LAMA2: variants seen among roughly 807,000 people sequenced by gnomAD.
LAMA2 encodes the protein laminin subunit alpha-2.
LAMA2 carries 269 observed loss-of-function variants against 364.8 expected under a neutral mutation model. The ratio of observed to expected loss-of-function variants is 0.74; its 90% CI spans 0.67 to 0.82. LAMA2 has a LOEUF of 0.82. Ranked by LOEUF, LAMA2 falls within the 40% of genes least tolerant of loss-of-function variation. The pLI is 0.00. For synonymous variants in LAMA2, 1,379 were observed against 1,370.6 expected, an observed-to-expected ratio of 1.01 and a Z score of -0.14; for missense variants, 3,807 against 3,873.2, an observed-to-expected ratio of 0.98 and a Z score of 0.45.
At chr6:129,469,392 C>T (rs1156829750) in intron 51 of LAMA2, among the ~76,000 whole-genome samples, 2 of 151,864 alleles carry the variant, frequency 1.3e-5, no homozygotes, top group East Asian at 3.9e-4. Context: ...ATAAATCCAC[C>T]ATGTGATACC....
intron 20 of LAMA2, among the ~76,000 whole-genome samples, chr6:129,294,260 T>C (rs1008518695): frequency 2.0e-5 from 3 of 152,194 alleles, no homozygotes; most frequent in Non-Finnish European, 4.4e-5. Context: ...TCTAGTATCT[T>C]ACAGTAATCA....
At chr6:129,463,703 A>G (rs571338014) in intron 49 of LAMA2, among the ~76,000 whole-genome samples, 38 of 152,178 alleles carry the variant, frequency 2.5e-4, no homozygotes, top group African/African-American at 8.7e-4. Flanking sequence ...ACAAACATCA[A>G]CTGGATTCTA....
chr6:129,126,332 A>G (rs930160364), intron 4 of LAMA2, among the ~76,000 whole-genome samples: 1 of 152,194 alleles, frequency 6.6e-6, no homozygotes, highest in African/African-American at 2.4e-5. Flanking sequence ...TATCATTTCC[A>G]TGACATCAAA....
intron 1 of LAMA2, among the ~76,000 whole-genome samples, chr6:128,896,740 T>C (rs1018041969): frequency 5.3e-5 from 8 of 152,228 alleles, no homozygotes; most frequent in African/African-American, 1.9e-4. Flanking sequence ...AAATTTTATC[T>C]TTATTTATTT....
At chr6:129,444,412 G>A (rs80285888) in intron 44 of LAMA2, among the ~76,000 whole-genome samples, 3,077 of 152,018 alleles carry the variant, frequency 0.02, 50 homozygotes, top group Non-Finnish European at 0.031. Context: ...ATGAACAAAC[G>A]GTTTATTAAA....
intron 9 of LAMA2, among the ~76,000 whole-genome samples, chr6:129,169,373 G>T (rs573423474): frequency 2.7e-5 from 4 of 149,018 alleles, no homozygotes; most frequent in South Asian, 4.3e-4. Flanking sequence ...TAGCATGAAG[G>T]GTTGTTGAAT....
intron 1 of LAMA2, among the ~76,000 whole-genome samples, chr6:128,908,608 T>G (rs1426870915): frequency 0.012 from 1,593 of 137,606 alleles, 33 homozygotes; most frequent in African/African-American, 0.044. Flanking sequence ...ATTAATTTTT[T>G]GAAGGGTTTT....
chr6:129,089,547 C>T (rs1235864603), intron 3 of LAMA2, among the ~76,000 whole-genome samples: 1 of 152,232 alleles, frequency 6.6e-6, no homozygotes, highest in Non-Finnish European at 1.5e-5. Flanking sequence ...CCATGAGGAA[C>T]TCAGCCTACC....
intron 4 of LAMA2, among the ~76,000 whole-genome samples, chr6:129,115,847 G>A (rs1202187381): frequency 6.6e-6 from 1 of 152,114 alleles, no homozygotes; most frequent in African/African-American, 2.4e-5. Context: ...TATTAAATGA[G>A]ATAATTTACA....
intron 1 of LAMA2, among the ~76,000 whole-genome samples, chr6:128,911,946 A>T (rs1401933212): frequency 6.6e-6 from 1 of 152,186 alleles, no homozygotes; most frequent in African/African-American, 2.4e-5. Flanking sequence ...TGTCTGTAAA[A>T]ATCATTCATG....
intron 42 of LAMA2, among the ~76,000 whole-genome samples, chr6:129,439,066 A>ACCCC (rs142125733): frequency 1.4e-5 from 2 of 145,924 alleles, no homozygotes; most frequent in African/African-American, 5.0e-5. Flanking sequence ...TGGTTCCAGG[A>ACCCC]CCCCCCCCCA....
At position 129,513,633 on chromosome 6, in the gene LAMA2, CTAA is replaced by C. The variant is rs1786782954; in HGVS notation, c.8989-738_8989-736del. On this transcript the variant is annotated intron_variant, in intron 63 of 64. Coordinates refer to ENST00000421865, the MANE Select transcript of LAMA2 (RefSeq NM_000426.4). ...CTTGTCGAATGTCTTGCCAAACTGACTAATGTTTTTAGTGTTTCAATATGTTTC... is the reference window on the plus strand; with the variant it reads ...CTTGTCGAATGTCTTGCCAAACTGACTGTTTTTAGTGTTTCAATATGTTTC... 2.0e-5 allele frequency among the ~76,000 whole-genome samples: 3 copies of C among 152,176 alleles called. 1 individual carries two copies. In the South Asian group the frequency reaches 6.2e-4, roughly 32 times the overall value.
chr6:129,311,384 G>A (rs1340953907), intron 22 of LAMA2, among the ~76,000 whole-genome samples: 3 of 152,094 alleles, frequency 2.0e-5, no homozygotes, highest in Admixed American at 6.5e-5. Context: ...GCCTCCCAAA[G>A]TGCTGGGATT....
chr6:129,064,742 A>G (rs1472170231), intron 3 of LAMA2, among the ~76,000 whole-genome samples: 1 of 152,190 alleles, frequency 6.6e-6, no homozygotes, highest in Non-Finnish European at 1.5e-5. Context: ...GAGCAGATCA[A>G]TGAAGAGTAA....
At chr6:128,959,205 C>G (rs1022206899) in intron 1 of LAMA2, among the ~76,000 whole-genome samples, 6 of 152,098 alleles carry the variant, frequency 3.9e-5, no homozygotes, top group Non-Finnish European at 7.4e-5. Flanking sequence ...ATTAAACTCC[C>G]TTCAGTATGT....
intron 12 of LAMA2, among the ~76,000 whole-genome samples, chr6:129,199,486 G>T (rs910741905): frequency 3.9e-5 from 6 of 152,172 alleles, no homozygotes; most frequent in African/African-American, 1.4e-4. Context: ...GCTAGAAGAT[G>T]TGGACAGTGC....
At position 129,328,177 on chromosome 6, in the gene LAMA2, T is replaced by C. The variant is rs764468756; in HGVS notation, c.4177-101T>C. On this transcript the variant is annotated intron_variant, in intron 28 of 64. Coordinates refer to ENST00000421865, the MANE Select transcript of LAMA2 (RefSeq NM_000426.4). ...TAAGTGATGTTGCCCCTGCCGCAGGTGGGGGAAGGCCAGTCTGTCTTTGCA... is the reference window on the plus strand; with the variant it reads ...TAAGTGATGTTGCCCCTGCCGCAGGCGGGGGAAGGCCAGTCTGTCTTTGCA... 2.1e-4 allele frequency: 208 copies of C among 995,658 alleles called. 1 individual carries two copies. The highest frequency in any genetic ancestry group is 3.0e-4 in the Non-Finnish European group (189 of 624,226). The allele number at this position is 995,658 out of a possible 1,614,324, so 61.7% of individuals were successfully genotyped here.
chr6:129,068,318 A>G (rs1446953362), intron 3 of LAMA2, among the ~76,000 whole-genome samples: 1 of 152,214 alleles, frequency 6.6e-6, no homozygotes, highest in East Asian at 1.9e-4. Flanking sequence ...TATTTGGGCT[A>G]TTATAACAAA....
rs544136717 is a variant in LAMA2 at position 128,929,643 on chromosome 6, G to C, written c.112+46286G>C. The C allele has an allele frequency of 9.2e-6, 13 of 1,417,778 alleles. No individual in the cohort carries two copies. The East Asian group carries it at 3.0e-4, about 32-fold the overall frequency. The allele number at this position is 1,417,778 out of a possible 1,614,324, so 87.8% of individuals were successfully genotyped here. A position where few individuals can be genotyped will look rare whatever the true frequency, so the allele number is the denominator to read the frequency against. Reference sequence around the variant, plus strand: ...TGCTGACCTGCTCAAATATGGAATAGTGATGCGGTCTCGGTTTGTCACTGA... The same window carrying C: ...TGCTGACCTGCTCAAATATGGAATACTGATGCGGTCTCGGTTTGTCACTGA... On this transcript the variant is annotated intron_variant, in intron 1 of 64. Coordinates refer to ENST00000421865, the MANE Select transcript of LAMA2 (RefSeq NM_000426.4).
Sources: allele counts gnomAD v4.1 joint callset (sites outside exome capture counted in the v4.1 genomes callset), GRCh38; gene constraint gnomAD v4.1.1; transcripts MANE v1.5; gene names NCBI Gene and HGNC (gene_info 2026-07-23, HGNC 2026-07-21).